Variants in MAP3K14 observed in about 807,000 individuals in gnomAD.
MAP3K14 encodes the protein NF-kappa-beta-inducing kinase.
A neutral mutation model predicts 99.2 loss-of-function variants in MAP3K14; 16 were observed. The ratio of observed to expected loss-of-function variants is 0.16; its 90% CI spans 0.11 to 0.24. The LOEUF (loss-of-function observed/expected upper bound fraction) is 0.24, where lower values mean the gene tolerates loss of function less well. Ranked by LOEUF, MAP3K14 falls within the 10% of genes least tolerant of loss-of-function variation. The probability of loss-of-function intolerance (pLI) is 1.00; values close to 1 mark genes in which losing one functional copy is unlikely to be tolerated. For missense variants in MAP3K14, 784 were observed against 1,208.7 expected (o/e 0.65, Z 5.21); for synonymous variants, 462 against 492.4 (o/e 0.94, Z 0.82).
chr17:45,270,908 G>T, intron 10 of MAP3K14, 150 bp downstream of exon 10: 1 of 1,116,984 alleles, frequency 9.0e-7, no homozygotes, highest in Non-Finnish European at 1.3e-6. Context: ...CCCCAGATTT[G>T]GGTGGCAAGT....
chr17:45,267,368 A>G lies in MAP3K14; in HGVS notation c.2326+38T>C. The G allele has an allele frequency of 6.5e-7, 1 of 1,540,030 alleles. No individual in the cohort carries two copies. The highest frequency in any genetic ancestry group is 8.8e-7 in the Non-Finnish European group (1 of 1,138,554). The stretch of plus-strand genomic sequence containing the variant: ...CGGCCTCCGCGGGTGGCCCAGGGCC[A>G]GTGCTCAGGGCCCCACTGCAGCCAC... On this transcript the variant is annotated intron_variant, in intron 12 of 15. Coordinates refer to ENST00000344686, the MANE Select transcript of MAP3K14 (RefSeq NM_003954.5). The surrounding 1 kb of genome is among the most constrained non-coding windows in gnomAD (Gnocchi z 5.1).
In MAP3K14 at chr17:45,263,985, TG is replaced by T. The variant is rs1287779506; in HGVS notation, c.*650del. ...TCACTTACACACCTTCTTTGGTCCT[TG>T]GCTGAACCAGAGGTCAACTCAGGAC... On this transcript the variant is annotated 3_prime_UTR_variant, in exon 16 of 16. Transcript: ENST00000344686. 3 of 152,288 alleles carry T rather than the reference TG, an allele frequency of 2.0e-5. No homozygotes were observed. The highest frequency in any genetic ancestry group is 7.2e-5 in the African/African-American group (3 of 41,448). The allele number at this position is 152,288 out of a possible 1,614,324, so 9.4% of individuals were successfully genotyped here.
rs754918334 is a variant in MAP3K14, at chr17:45,271,122, A to G, written c.1757T>C (p.Met586Thr). ...KVDVWSSCCM[M>T]LHMLNGCHPW... ...GTGGCAGCCGTTGAGCATGTGCAGC[A>G]TCATACAGCAGCTGCTCCAGACATC... The change falls in exon 10 of 16, where the codon ATG (methionine) becomes ACG (threonine). Residue 586 changes from methionine to threonine, a missense_variant. Physicochemically the swap from Met to Thr is moderately conservative, Grantham distance 81 (BLOSUM62 -1). Coordinates refer to ENST00000344686, the MANE Select transcript of MAP3K14 (RefSeq NM_003954.5). The G allele has an allele frequency of 4.3e-6, 7 of 1,613,392 alleles. No individual in the cohort carries two copies. Among genetic ancestry groups the G allele is most frequent in the Non-Finnish European group, 5.9e-6 (7 of 1,179,776 alleles).
In MAP3K14 at chr17:45,264,610, T is replaced by C. The variant is rs17846851; in HGVS notation, c.*26A>G. 1,103 of 1,550,030 alleles carry C rather than the reference T, an allele frequency of 7.1e-4. 14 individuals carry two copies. In the East Asian group the frequency reaches 0.019, roughly 27 times the overall value. ...CGAGCAGGAAGGCTGCTTCCGGCAG[T>C]GTGGAGCCGGCGGTGGAGGGCAGGG... On this transcript the variant is annotated 3_prime_UTR_variant, in exon 16 of 16. Coordinates refer to ENST00000344686, the MANE Select transcript of MAP3K14 (RefSeq NM_003954.5).
intron 1 of MAP3K14, among the ~76,000 whole-genome samples, chr17:45,316,757 C>T (rs2044538041): frequency 6.6e-6 from 1 of 151,694 alleles, no homozygotes; most frequent in Admixed American, 6.6e-5. Flanking sequence ...AGCGCGGCAC[C>T]GGCAGCGCGT....
Position 45,286,367 on chromosome 17 carries a change from G to A in MAP3K14, c.1152+64C>T. 2.0e-6 allele frequency: 3 copies of A among 1,479,696 alleles called. No homozygotes were observed. The highest frequency in any genetic ancestry group is 1.8e-6 in the Non-Finnish European group (2 of 1,110,478). The allele number at this position is 1,479,696 out of a possible 1,614,324, so 91.7% of individuals were successfully genotyped here. A position where few individuals can be genotyped will look rare whatever the true frequency, so the allele number is the denominator to read the frequency against. On this transcript the variant is annotated intron_variant, in intron 5 of 15. Coordinates refer to ENST00000344686, the MANE Select transcript of MAP3K14 (RefSeq NM_003954.5). The surrounding 1 kb of genome is among the most constrained non-coding windows in gnomAD (Gnocchi z 4.1). ...CACAGGCAAGAGTGACTCTGATAAA[G>A]AGAGAAAAGCATCCCCCAGGTTGCT...
Position 45,286,272 on chromosome 17 carries a change from T to G in MAP3K14, c.1152+159A>C, listed in dbSNP as rs1256054963. On this transcript the variant is annotated intron_variant, in intron 5 of 15. Transcript: ENST00000344686. The surrounding 1 kb of genome is among the most constrained non-coding windows in gnomAD (Gnocchi z 4.1). Reference sequence around the variant, plus strand: ...AAGACGCTAAAAAGGCTGTGAGAAGTGAGATTGGCGGAATAAGAGATGATA... The same window carrying G: ...AAGACGCTAAAAAGGCTGTGAGAAGGGAGATTGGCGGAATAAGAGATGATA... 6.6e-6 allele frequency among the ~76,000 whole-genome samples: 1 copy of G among 152,058 alleles called. No individual in the cohort carries two copies. The highest frequency in any genetic ancestry group is 1.5e-5 in the Non-Finnish European group (1 of 68,016).
rs1026570469 is a variant in MAP3K14, at chr17:45,303,833, C to T, written c.-20-13068G>A. Among the ~76,000 whole-genome samples the T allele has an allele frequency of 2.7e-4, 41 of 151,212 alleles. 1 individual carries two copies. The highest frequency in any genetic ancestry group is 1.5e-4 in the Non-Finnish European group (10 of 67,844). ...TCCTGACCTCGTGATCCAGCCGCCT[C>T]GGCCTCCCAAAGTGCTGGGATTACA... On this transcript the variant is annotated intron_variant, in intron 1 of 15. Transcript: ENST00000344686.
intron 6 of MAP3K14, among the ~76,000 whole-genome samples, chr17:45,275,386 T>C (rs144272491): frequency 3.0e-3 from 446 of 151,038 alleles, no homozygotes; most frequent in African/African-American, 9.8e-3. Context: ...GAGAATCACT[T>C]GAACCTGGGA....
At chr17:45,279,637 A>C (rs1405517877) in intron 6 of MAP3K14, among the ~76,000 whole-genome samples, 2 of 149,304 alleles carry the variant, frequency 1.3e-5, no homozygotes, top group East Asian at 4.0e-4. Context: ...GTTAGCCAGG[A>C]TGGTCTCGCT....
At chr17:45,282,658 C>A (rs1029996700) in intron 6 of MAP3K14, among the ~76,000 whole-genome samples, 12 of 152,066 alleles carry the variant, frequency 7.9e-5, no homozygotes, top group African/African-American at 2.7e-4. Flanking sequence ...GCATCTAGAT[C>A]AGGAGGATGA....
chr17:45,309,305 G>A (rs2044453795), intron 1 of MAP3K14, among the ~76,000 whole-genome samples: 2 of 152,196 alleles, frequency 1.3e-5, no homozygotes, highest in Admixed American at 6.5e-5. Context: ...GACGCTCTAC[G>A]CCTGACAGTG....
At chr17:45,276,052 T>C (rs1410424608) in intron 6 of MAP3K14, among the ~76,000 whole-genome samples, 2 of 152,234 alleles carry the variant, frequency 1.3e-5, no homozygotes, top group African/African-American at 4.8e-5. Flanking sequence ...TGAGCCACCA[T>C]GCCCGGCCTC....
chr17:45,297,296 CT>C (rs745599950), intron 1 of MAP3K14, among the ~76,000 whole-genome samples: 5 of 152,192 alleles, frequency 3.3e-5, no homozygotes, highest in Non-Finnish European at 5.9e-5. Flanking sequence ...ATTACTACCC[CT>C]AGCATCTGCC....
At chr17:45,270,029 G>A (rs747594286) in intron 11 of MAP3K14, among the ~76,000 whole-genome samples, 6 of 152,096 alleles carry the variant, frequency 3.9e-5, no homozygotes, top group Admixed American at 1.3e-4. Context: ...CTACCTCCAG[G>A]TAGATAGTGT....
chr17:45,281,343 CTTT>C (rs1205003546), intron 6 of MAP3K14, among the ~76,000 whole-genome samples: 11 of 137,204 alleles, frequency 8.0e-5, no homozygotes, highest in Non-Finnish European at 6.4e-5. Context: ...CCTGATCTTT[CTTT>C]TTTTTTTTTT....
chr17:45,279,420 C>T (rs946144080), intron 6 of MAP3K14, among the ~76,000 whole-genome samples: 1 of 151,998 alleles, frequency 6.6e-6, no homozygotes, highest in African/African-American at 2.4e-5. Flanking sequence ...AGCCACCACA[C>T]CCAGCCTTCT....
intron 1 of MAP3K14, among the ~76,000 whole-genome samples, chr17:45,312,019 C>A (rs1339963433): frequency 6.6e-6 from 1 of 152,200 alleles, no homozygotes; most frequent in African/African-American, 2.4e-5. Flanking sequence ...TACCTCCTGC[C>A]CCCTGCCTCC....
chr17:45,284,681 G>T, intron 6 of MAP3K14, 131 bp downstream of exon 6: 1 of 1,229,666 alleles, frequency 8.1e-7, no homozygotes, highest in Non-Finnish European at 1.1e-6. Context: ...CAGGTGGCTA[G>T]TGATAGCCAA....
Sources: gnomAD v4.1 joint callset for allele counts (sites outside exome capture counted in the v4.1 genomes callset) on GRCh38, gnomAD v4.1.1 for gene constraint, Gnocchi (gnomAD v3.1) non-coding constraint, MANE v1.5 for transcripts, NCBI Gene and HGNC (gene_info 2026-07-23, HGNC 2026-07-21) for gene names.